DCUN1D3: variants seen among roughly 807,000 people sequenced by gnomAD.
DCUN1D3 encodes the protein DCN1-like protein 3.
DCUN1D3 carries 6 observed loss-of-function variants against 24.8 expected under a neutral mutation model. The observed-to-expected ratio is 0.24, with a 90% CI of 0.13 to 0.48. The LOEUF (loss-of-function observed/expected upper bound fraction) is 0.48. Among genes scored for constraint, DCUN1D3 ranks in the 20% least tolerant of loss-of-function variants. DCUN1D3 has a pLI of 0.99. For missense variants in DCUN1D3, 258 were observed against 379.4 expected (o/e 0.68, Z 2.66); for synonymous variants, 120 against 144.9 (o/e 0.83, Z 1.24).
intron 1 of DCUN1D3, among the ~76,000 whole-genome samples, chr16:20,872,298 C>A (rs1457961790): frequency 6.6e-6 from 1 of 152,078 alleles, no homozygotes; most frequent in Non-Finnish European, 1.5e-5. Flanking sequence ...TGAAATGAGT[C>A]CAAAGACGAC....
rs908901691 is a variant in DCUN1D3, at chr16:20,862,173, G to A, written c.366C>T (p.Pro122=). 4.3e-6 allele frequency: 7 copies of A among 1,614,050 alleles called. No individual in the cohort carries two copies. Among genetic ancestry groups the A allele is most frequent in the Non-Finnish European group, 5.9e-6 (7 of 1,180,038 alleles). Residue 122 remains proline (P), a synonymous_variant, in exon 2 of 3, where the codon CCC becomes CCT. Transcript: ENST00000324344. ...CCAAGAGCAGCACTCGAAATTCTGT[G>A]GGGTCAACACACAGGTCATTGCAAA... ...ERFCNDLCVD[P]TEFRVLLLAW... is the part of the protein sequence containing the mutation.
chr16:20,895,862 C>T (rs1198969315), intron 1 of DCUN1D3, among the ~76,000 whole-genome samples: 2 of 152,168 alleles, frequency 1.3e-5, no homozygotes, highest in African/African-American at 4.8e-5. Flanking sequence ...GGAGTTACCA[C>T]GTCATTACCA....
At chr16:20,864,237 T>C (rs144136712) in intron 1 of DCUN1D3, among the ~76,000 whole-genome samples, 2,660 of 152,258 alleles carry the variant, frequency 0.017, 37 homozygotes, top group Non-Finnish European at 0.023. Context: ...ATATGCAAAC[T>C]ATGCATCTGA....
At position 20,862,600 on chromosome 16, in the gene DCUN1D3, G is replaced by A; in HGVS notation, c.-62C>T. On this transcript the variant is annotated 5_prime_UTR_variant, in exon 2 of 3. Coordinates refer to ENST00000324344, the MANE Select transcript of DCUN1D3 (RefSeq NM_173475.4). ...GGATTGGATGCCCTCGCTGCCGCTG[G>A]CCCATGTACCTCAACATGCCATCAG... 2 of 1,534,774 alleles carry A rather than the reference G, an allele frequency of 1.3e-6. No individual in the cohort carries two copies. The highest frequency in any genetic ancestry group is 2.5e-5 in the South Asian group (2 of 79,194).
In DCUN1D3 at chr16:20,860,647, C is replaced by A. The variant is rs1215635885; in HGVS notation, c.432-278G>T. Among the ~76,000 whole-genome samples, 1 of 152,180 alleles carries A rather than the reference C, an allele frequency of 6.6e-6. No individual in the cohort carries two copies. The highest frequency in any genetic ancestry group is 1.5e-5 in the Non-Finnish European group (1 of 68,032). On this transcript the variant is annotated intron_variant, in intron 2 of 2. Transcript: ENST00000324344. This position sits in a 1 kb window ranked among gnomAD's most constrained non-coding sequence, Gnocchi z 4.3. ...ATGGTTCATTTATTCATTCATTCAT[C>A]TTCCCAAAGCTAAACTCAAGTCTCC...
intron 1 of DCUN1D3, among the ~76,000 whole-genome samples, chr16:20,895,898 T>C (rs1489188076): frequency 3.3e-5 from 5 of 152,238 alleles, no homozygotes; most frequent in African/African-American, 4.8e-5. Flanking sequence ...TTACCACTTC[T>C]TCACCTCAAA....
chr16:20,862,331 T>C lies in DCUN1D3; in HGVS notation c.208A>G (p.Thr70Ala), dbSNP rs754541715. Reference sequence around the variant, plus strand: ...TCCCTCCCAGCATCTCCCGAGGACGTTGGCAGCTGGCAGGCCTCAGTGGCA... The same window carrying C: ...TCCCTCCCAGCATCTCCCGAGGACGCTGGCAGCTGGCAGGCCTCAGTGGCA... ...EAATEACQLPTSSGDAGRESK... is the reference protein window; with the variant it reads ...EAATEACQLPASSGDAGRESK... The change falls in exon 2 of 3, where the codon ACG becomes GCG. Residue 70 changes from threonine (T) to alanine (A), a missense_variant. Transcript: ENST00000324344. 7.4e-6 allele frequency: 12 copies of C among 1,614,118 alleles called. No homozygotes were observed. The highest frequency in any genetic ancestry group is 2.2e-5 in the East Asian group (1 of 44,902).
Position 20,885,478 on chromosome 16 carries a change from C to A in DCUN1D3, c.-106+14726G>T, listed in dbSNP as rs540732530. Among the ~76,000 whole-genome samples, 5 of 151,956 alleles carry A rather than the reference C, an allele frequency of 3.3e-5. No individual in the cohort carries two copies. The East Asian group carries it at 9.7e-4, about 29-fold the overall frequency. ...CTTGCAAACACAGACCAATCCCCAA[C>A]TGTAGATAATAAAAGATGACAGTGT... On this transcript the variant is annotated intron_variant, in intron 1 of 2. Coordinates refer to ENST00000324344, the MANE Select transcript of DCUN1D3 (RefSeq NM_173475.4).
chr16:20,875,254 AC>A (rs2081808931), intron 1 of DCUN1D3, among the ~76,000 whole-genome samples: 3 of 147,898 alleles, frequency 2.0e-5, no homozygotes, highest in Non-Finnish European at 4.5e-5. Flanking sequence ...ACACACACAC[AC>A]AAATGTTGCA....
At chr16:20,891,351 C>T (rs2081891507) in intron 1 of DCUN1D3, among the ~76,000 whole-genome samples, 1 of 152,196 alleles carries the variant, frequency 6.6e-6, no homozygotes, top group Non-Finnish European at 1.5e-5. Flanking sequence ...TTAATTACCT[C>T]AGCAATTGAC....
chr16:20,876,577 T>C (rs1281577541), intron 1 of DCUN1D3, among the ~76,000 whole-genome samples: 2 of 152,162 alleles, frequency 1.3e-5, no homozygotes, highest in Admixed American at 6.5e-5. Context: ...AGAACTACTG[T>C]ATGATCCAGC....
intron 1 of DCUN1D3, among the ~76,000 whole-genome samples, chr16:20,882,124 C>G (rs1352852214): frequency 6.6e-6 from 1 of 151,502 alleles, no homozygotes; most frequent in African/African-American, 2.4e-5. Flanking sequence ...ACTGTTACCA[C>G]TGCTCAGAAT....
chr16:20,896,181 A>G (rs2081915035), intron 1 of DCUN1D3: 1 of 152,200 alleles, frequency 6.6e-6, no homozygotes, highest in Admixed American at 6.5e-5. Flanking sequence ...TTTTACTAAC[A>G]ATATTTTCAA....
At chr16:20,866,137 G>T (rs1441164755) in intron 1 of DCUN1D3, among the ~76,000 whole-genome samples, 4 of 152,148 alleles carry the variant, frequency 2.6e-5, no homozygotes, top group Admixed American at 6.5e-5. Flanking sequence ...AATGGCAAGG[G>T]GTTAATTCTT....
chr16:20,882,967 A>G (rs920922790), intron 1 of DCUN1D3, among the ~76,000 whole-genome samples: 1 of 151,012 alleles, frequency 6.6e-6, no homozygotes, highest in Non-Finnish European at 1.5e-5. Context: ...GGGAGAAAAT[A>G]TCTTGTACAG....
chr16:20,885,549 T>C (rs1419400054), intron 1 of DCUN1D3, among the ~76,000 whole-genome samples: 1 of 144,076 alleles, frequency 6.9e-6, no homozygotes, highest in East Asian at 2.0e-4. Context: ...ATTAAGGCTT[T>C]AAAAAAAAAA....
chr16:20,862,439 C>T lies in DCUN1D3; in HGVS notation c.100G>A (p.Ala34Thr), dbSNP rs369289640. The T allele has an allele frequency of 6.2e-7, 1 of 1,613,770 alleles. No individual in the cohort carries two copies. Among genetic ancestry groups the T allele is most frequent in the South Asian group, 1.1e-5 (1 of 91,070 alleles). ...PSNKSHSRRG[A>T]GHREEQVPPC... is the part of the protein sequence containing the mutation. Reference sequence around the variant, plus strand: ...GGTACCTGCTCCTCACGGTGGCCTGCACCCCTCCTGCTATGTGACTTGTTG... The same window carrying T: ...GGTACCTGCTCCTCACGGTGGCCTGTACCCCTCCTGCTATGTGACTTGTTG... Residue 34 changes from alanine (A) to threonine (T), a missense_variant, in exon 2 of 3, where the codon GCA (alanine) becomes ACA (threonine). Transcript: ENST00000324344.
At chr16:20,896,538 C>T (rs1484750752) in intron 1 of DCUN1D3, among the ~76,000 whole-genome samples, 5 of 152,144 alleles carry the variant, frequency 3.3e-5, no homozygotes, top group Non-Finnish European at 5.9e-5. Context: ...AAGTCCCCTC[C>T]TACCCACCCG....
intron 1 of DCUN1D3, among the ~76,000 whole-genome samples, chr16:20,891,885 G>A (rs1312916088): frequency 6.6e-6 from 1 of 152,124 alleles, no homozygotes; most frequent in Non-Finnish European, 1.5e-5. Context: ...CCCTGGAGTT[G>A]GGCAATCTTG....
Sources: allele counts gnomAD v4.1 joint callset (sites outside exome capture counted in the v4.1 genomes callset), GRCh38; gene constraint gnomAD v4.1.1; non-coding constraint Gnocchi (gnomAD v3.1); transcripts MANE v1.5; gene names NCBI Gene and HGNC (gene_info 2026-07-23, HGNC 2026-07-21).